Variants in DPH6 observed in about 807,000 individuals in gnomAD.
DPH6 encodes diphthine--ammonia ligase.
DPH6 carries 33 observed loss-of-function variants against 38.2 expected under a neutral mutation model. That is an observed-to-expected ratio of 0.86 (90% CI 0.65 to 1.15). The LOEUF (loss-of-function observed/expected upper bound fraction) is 1.15, where lower values mean the gene tolerates loss of function less well. Ranked by LOEUF, DPH6 falls within the 50% of genes most tolerant of loss-of-function variation. DPH6 has a pLI of 0.00. For missense variants in DPH6, 325 were observed against 320.0 expected (o/e 1.02, Z -0.12); for synonymous variants, 108 against 103.0 (o/e 1.05, Z -0.30).
intron 3 of DPH6, among the ~76,000 whole-genome samples, chr15:35,339,187 A>T (rs1324371232): frequency 2.0e-5 from 3 of 151,634 alleles, no homozygotes; most frequent in East Asian, 1.9e-4. Context: ...TATAATAAAA[A>T]ATATATATAT....
intron 1 of DPH6, among the ~76,000 whole-genome samples, chr15:35,544,501 TAA>T (rs912392714): frequency 6.7e-6 from 1 of 148,970 alleles, no homozygotes; most frequent in African/African-American, 2.5e-5. Flanking sequence ...TAAAGTATAA[TAA>T]AAAAAAAATT....
intron 3 of DPH6, among the ~76,000 whole-genome samples, chr15:35,343,132 T>C (rs1176059663): frequency 1.3e-5 from 2 of 152,202 alleles, no homozygotes; most frequent in Non-Finnish European, 2.9e-5. Flanking sequence ...ATCAACTATC[T>C]AGTCAATGTT....
At chr15:35,158,440 A>G in the DPH6 span, among the ~76,000 whole-genome samples, 5 of 152,084 alleles carry the variant, frequency 3.3e-5, no homozygotes, top group African/African-American at 1.2e-4. Context: ...ACCCCCTTTC[A>G]TGAATAAGGT....
At chr15:35,272,981 C>T (rs2051832859) in intron 3 of DPH6, among the ~76,000 whole-genome samples, 1 of 151,606 alleles carries the variant, frequency 6.6e-6, no homozygotes, top group Non-Finnish European at 1.5e-5. Flanking sequence ...ATGTGATATA[C>T]CAGCCCCCCT....
chr15:35,496,567 A>AAAAATAT, intron 3 of DPH6, among the ~76,000 whole-genome samples: 2 of 31,008 alleles, frequency 6.4e-5, no homozygotes. Flanking sequence ...AAAAAAAAAA[A>AAAAATAT]ATATATATAT....
chr15:35,489,729 T>C, intron 3 of DPH6: 1 of 980,184 alleles, frequency 1.0e-6, no homozygotes, highest in East Asian at 1.1e-4. Context: ...AACCATTTTT[T>C]CTGGAACAGT....
intron 3 of DPH6, among the ~76,000 whole-genome samples, chr15:35,236,754 A>G (rs1321450006): frequency 6.6e-5 from 10 of 152,070 alleles, no homozygotes. Flanking sequence ...CTTTTTGTGG[A>G]CCTGTAAACC....
At chr15:35,466,357 T>C (rs1317537703) in intron 3 of DPH6, among the ~76,000 whole-genome samples, 1 of 152,170 alleles carries the variant, frequency 6.6e-6, no homozygotes, top group African/African-American at 2.4e-5. Flanking sequence ...ATTGGGAGAA[T>C]AAAGTAACAC....
chr15:35,401,133 G>C, intron 6 of DPH6: 1 of 962,828 alleles, frequency 1.0e-6, no homozygotes, highest in South Asian at 1.3e-5. Flanking sequence ...TTGTGGATAA[G>C]ACTGTCATTC....
intron 5 of DPH6, among the ~76,000 whole-genome samples, chr15:35,443,163 A>G (rs993049160): frequency 6.6e-5 from 10 of 152,190 alleles, no homozygotes; most frequent in Non-Finnish European, 1.5e-4. Context: ...CATACAAAAA[A>G]TTCTTTTTAA....
At chr15:35,230,204 T>C (rs751458706) in intron 3 of DPH6, among the ~76,000 whole-genome samples, 11 of 152,234 alleles carry the variant, frequency 7.2e-5, no homozygotes, top group East Asian at 1.9e-4. Context: ...TGTTCTACTA[T>C]ACTGCAGCTG....
rs1491101707 is a variant in DPH6, at chr15:35,436,509, C to CAAAAAAAAAAAAAA, written c.505+14175_505+14176insTTTTTTTTTTTTTT. Among the ~76,000 whole-genome samples the CAAAAAAAAAAAAAA allele has an allele frequency of 2.0e-4, 22 of 107,530 alleles. 1 individual carries two copies. Among genetic ancestry groups the CAAAAAAAAAAAAAA allele is most frequent in the Admixed American group, 9.8e-4 (11 of 11,220 alleles). The allele number at this position is 107,530 out of a possible 152,430, so 70.5% of individuals were successfully genotyped here. A position where few individuals can be genotyped will look rare whatever the true frequency, so the allele number is the denominator to read the frequency against. On this transcript the variant is annotated intron_variant, in intron 5 of 8. Coordinates refer to ENST00000256538, the MANE Select transcript of DPH6 (RefSeq NM_080650.4). ...CAAAACAAAACAAAACAAAACAAAACAAAACAAAAAAGGTTCTCTCCCTGT... is the reference window on the plus strand; with the variant it reads ...CAAAACAAAACAAAACAAAACAAAACAAAAAAAAAAAAAAAAAACAAAAAAGGTTCTCTCCCTGT...
intron 3 of DPH6, among the ~76,000 whole-genome samples, chr15:35,246,789 A>T (rs1402732824): frequency 6.6e-6 from 1 of 152,210 alleles, no homozygotes; most frequent in Non-Finnish European, 1.5e-5. Flanking sequence ...TAACGAGGTG[A>T]TAACAAGGAG....
intron 3 of DPH6, among the ~76,000 whole-genome samples, chr15:35,262,705 C>CAAAAA (rs58580024): frequency 2.1e-4 from 17 of 82,628 alleles, no homozygotes; most frequent in African/African-American, 9.5e-4. Flanking sequence ...GACTCCGTCT[C>CAAAAA]AAAAAAAAAA....
At chr15:35,435,465 TG>T (rs1195611005) in intron 5 of DPH6, among the ~76,000 whole-genome samples, 4 of 152,180 alleles carry the variant, frequency 2.6e-5, no homozygotes, top group African/African-American at 9.6e-5. Context: ...TGCAACAGAC[TG>T]GGGGTCTGCA....
the DPH6 span, among the ~76,000 whole-genome samples, chr15:35,159,108 C>T: frequency 4.6e-5 from 7 of 152,142 alleles, no homozygotes; most frequent in East Asian, 1.9e-4. Context: ...CCCCAAATTC[C>T]GACATTTCTC....
chr15:35,538,111 C>G, intron 3 of DPH6, 163 bp downstream of exon 3: 2 of 469,568 alleles, frequency 4.3e-6, no homozygotes, highest in Middle Eastern at 1.2e-3. Context: ...TAAAGGCATA[C>G]TAATCATTTG....
chr15:35,463,956 A>T (rs190300395), intron 3 of DPH6, among the ~76,000 whole-genome samples: 21 of 152,312 alleles, frequency 1.4e-4, no homozygotes, highest in Admixed American at 1.2e-3. Flanking sequence ...TTCTTAAAAA[A>T]TTAAAATCTA....
intron 3 of DPH6, chr15:35,521,483 G>T: frequency 8.3e-7 from 1 of 1,204,338 alleles, no homozygotes; most frequent in Non-Finnish European, 1.0e-6. Flanking sequence ...CAAAATTAAT[G>T]CTTACAACAG....
Sources: gnomAD v4.1 joint callset for allele counts (sites outside exome capture counted in the v4.1 genomes callset) on GRCh38, gnomAD v4.1.1 for gene constraint, MANE v1.5 for transcripts, NCBI Gene and HGNC (gene_info 2026-07-23, HGNC 2026-07-21) for gene names.